The following C3orf18 variants were observed in gnomAD, a reference collection of about 807,000 sequenced individuals.
C3orf18 encodes chromosome 3 open reading frame 18, also known as uncharacterized protein C3orf18.
Under a neutral mutation model 14.1 loss-of-function variants are expected in C3orf18, and 12 were observed. That is an observed-to-expected ratio of 0.85 (90% confidence interval 0.55 to 1.38). The LOEUF (loss-of-function observed/expected upper bound fraction) is 1.38. Ranked by LOEUF, C3orf18 falls within the 40% of genes most tolerant of loss-of-function variation. The probability of loss-of-function intolerance (pLI) is 0.00; values close to 1 mark genes in which losing one functional copy is unlikely to be tolerated. For synonymous variants in C3orf18, 82 were observed against 87.9 expected, an observed-to-expected ratio of 0.93 and a Z score of 0.38; for missense variants, 196 against 213.9, an observed-to-expected ratio of 0.92 and a Z score of 0.52.
In C3orf18 at chr3:50,559,226, G is replaced by A; in HGVS notation, c.*431C>T. 2.3e-6 allele frequency: 3 copies of A among 1,284,962 alleles called. No individual in the cohort carries two copies. The highest frequency in any genetic ancestry group is 1.1e-4 in the East Asian group (2 of 18,098). The allele number at this position is 1,284,962 out of a possible 1,614,324, so 79.6% of individuals were successfully genotyped here. On this transcript the variant is annotated 3_prime_UTR_variant, in exon 6 of 6. Transcript: ENST00000357203. ...TGGGTGGTTTCCTCTCCCCACCCCAGAGGAGGCTCCAGATTCCAAAAAACA... is the reference window on the plus strand; with the variant it reads ...TGGGTGGTTTCCTCTCCCCACCCCAAAGGAGGCTCCAGATTCCAAAAAACA...
upstream of C3orf18, chr3:50,571,507 C>T (rs530012813): frequency 3.6e-4 from 243 of 675,230 alleles, no homozygotes; most frequent in African/African-American, 4.1e-3. Flanking sequence ...ATGAATATAT[C>T]TCTGCCTAAG....
At chr3:50,570,917 C>G, upstream of C3orf18, 1 of 484,742 alleles carries the variant, frequency 2.1e-6, no homozygotes. Flanking sequence ...TTTCCTGGTT[C>G]CTCTCACTCC....
At chr3:50,572,099 G>A, upstream of C3orf18, 1 of 1,613,704 alleles carries the variant, frequency 6.2e-7, no homozygotes, top group Non-Finnish European at 8.5e-7. Context: ...TGACCACCCA[G>A]CTGCCCCCTC....
At chr3:50,571,210 G>T (rs746980197), upstream of C3orf18, 5 of 1,613,814 alleles carry the variant, frequency 3.1e-6, no homozygotes, top group African/African-American at 1.3e-5. Flanking sequence ...ACCACCTCTG[G>T]CTGGGTTATC....
chr3:50,561,695 G>A (rs756178367), intron 4 of C3orf18, 27 bp downstream of exon 4: 3 of 1,612,118 alleles, frequency 1.9e-6, no homozygotes, highest in Non-Finnish European at 2.5e-6. Context: ...AGTTTTGGGT[G>A]GGATTTGGGT....
chr3:50,568,894 G>A (rs1033533854), upstream of C3orf18, among the ~76,000 whole-genome samples: 1 of 152,322 alleles, frequency 6.6e-6, no homozygotes, highest in South Asian at 2.1e-4. Flanking sequence ...ACCTGGAGGA[G>A]TTGCCAATAG....
intron 4 of C3orf18, among the ~76,000 whole-genome samples, chr3:50,561,481 C>T (rs1699965203): frequency 1.3e-5 from 2 of 152,200 alleles, no homozygotes; most frequent in Non-Finnish European, 2.9e-5. Flanking sequence ...CCTGCCATCC[C>T]CAGTCCCAGG....
upstream of C3orf18, among the ~76,000 whole-genome samples, chr3:50,572,377 A>G (rs2355321): frequency 0.1 from 15,319 of 152,250 alleles, 956 homozygotes; most frequent in Non-Finnish European, 0.13. Context: ...CAGAGGACAG[A>G]GGATTCCTGT....
upstream of C3orf18, among the ~76,000 whole-genome samples, chr3:50,568,853 G>A (rs1257096143): frequency 6.6e-6 from 1 of 152,124 alleles, no homozygotes; most frequent in East Asian, 1.9e-4. Context: ...GTATTTTATA[G>A]AAGGCGCAAC....
chr3:50,561,653 C>T (rs918969945), intron 4 of C3orf18, 69 bp downstream of exon 4: 26 of 1,500,610 alleles, frequency 1.7e-5, no homozygotes, highest in African/African-American at 1.1e-4. Context: ...CCACTTCCTT[C>T]GGAGCCCAGC....
intron 3 of C3orf18, among the ~76,000 whole-genome samples, chr3:50,564,665 A>G (rs548726457): frequency 6.6e-6 from 1 of 152,264 alleles, no homozygotes; most frequent in Non-Finnish European, 1.5e-5. Context: ...CCCAGCCTCT[A>G]TTGGGTTCCA....
upstream of C3orf18, chr3:50,572,284 T>A: frequency 6.5e-7 from 1 of 1,539,330 alleles, no homozygotes; most frequent in Non-Finnish European, 8.8e-7. Context: ...CCAGGCTTCC[T>A]CCAGGGGGCA....
rs1223858510 is a variant in C3orf18 at position 50,558,921 on chromosome 3, G to A, written c.*736C>T. On this transcript the variant is annotated 3_prime_UTR_variant, in exon 6 of 6. Coordinates refer to ENST00000357203, the MANE Select transcript of C3orf18 (RefSeq NM_016210.5). ...CATGTCTGCCCATGGGCACACTCAT[G>A]CACATGCATGAGGCCTCTCGGCAGG... 9.3e-6 allele frequency: 12 copies of A among 1,288,544 alleles called. No homozygotes were observed. The Admixed American group carries it at 1.8e-4, about 20-fold the overall frequency. The allele number at this position is 1,288,544 out of a possible 1,614,324, so 79.8% of individuals were successfully genotyped here. A position where few individuals can be genotyped will look rare whatever the true frequency, so the allele number is the denominator to read the frequency against.
Position 50,559,596 on chromosome 3 carries a change from G to T in C3orf18, c.*61C>A. 6.8e-7 allele frequency: 1 copy of T among 1,477,818 alleles called. No individual in the cohort carries two copies. Among genetic ancestry groups the T allele is most frequent in the South Asian group, 1.4e-5 (1 of 72,946 alleles). The allele number at this position is 1,477,818 out of a possible 1,614,324, so 91.5% of individuals were successfully genotyped here. ...GAGTAGGTCTTGACAATCAGGGAGT[G>T]GGGAGCTCTGTAGGCACCGTGATGG... On this transcript the variant is annotated 3_prime_UTR_variant, in exon 6 of 6. Coordinates refer to ENST00000357203, the MANE Select transcript of C3orf18 (RefSeq NM_016210.5).
chr3:50,562,395 A>G, intron 3 of C3orf18: 1 of 446,206 alleles, frequency 2.2e-6, no homozygotes, highest in Non-Finnish European at 4.5e-6. Flanking sequence ...AGGGCTGAAG[A>G]AGAAAGGGAA....
At chr3:50,572,814 T>C (rs550256398), upstream of C3orf18, among the ~76,000 whole-genome samples, 3 of 152,366 alleles carry the variant, frequency 2.0e-5, no homozygotes, top group South Asian at 6.2e-4. Flanking sequence ...TAAGGCACCC[T>C]GGTCCTGGAA....
upstream of C3orf18, among the ~76,000 whole-genome samples, chr3:50,568,906 G>A (rs1700578161): frequency 6.6e-6 from 1 of 152,210 alleles, no homozygotes; most frequent in Admixed American, 6.5e-5. Context: ...TGCCAATAGA[G>A]TCAAGATTCG....
intron 1 of C3orf18, among the ~76,000 whole-genome samples, chr3:50,566,461 C>A (rs145478847): frequency 4.8e-4 from 73 of 152,090 alleles, no homozygotes; most frequent in African/African-American, 1.8e-3. Context: ...AAACAGGTGT[C>A]GAAGAAAGAC....
At chr3:50,560,871 G>A in intron 5 of C3orf18, 46 bp downstream of exon 5, 1 of 1,568,276 alleles carries the variant, frequency 6.4e-7, no homozygotes, top group South Asian at 1.2e-5. Context: ...GAGGGTGGAG[G>A]ACAGAGGATG....
Sources: allele counts gnomAD v4.1 joint callset (sites outside exome capture counted in the v4.1 genomes callset), GRCh38; gene constraint gnomAD v4.1.1; transcripts MANE v1.5; gene names NCBI Gene and HGNC (gene_info 2026-07-23, HGNC 2026-07-21).